The following KCND2 variants were observed in gnomAD, a reference collection of about 807,000 sequenced individuals.
The protein encoded by KCND2 is potassium voltage-gated channel subfamily D member 2.
In KCND2, 16 loss-of-function variants were observed where a neutral mutation model predicts 54.4. The ratio of observed to expected loss-of-function variants is 0.29; its 90% CI spans 0.20 to 0.45. The LOEUF (loss-of-function observed/expected upper bound fraction) is 0.45. KCND2 is among the 20% of genes least tolerant of loss of function. The pLI, the probability that KCND2 is intolerant of heterozygous loss-of-function variation, is 1.00. For synonymous variants in KCND2, 317 were observed against 310.7 expected (o/e 1.02, Z -0.21); for missense variants, 486 against 824.2 (o/e 0.59, Z 5.02).
At chr7:120,577,494 C>A (rs1792450494) in intron 1 of KCND2, among the ~76,000 whole-genome samples, 1 of 152,164 alleles carries the variant, frequency 6.6e-6, no homozygotes, top group Non-Finnish European at 1.5e-5. Context: ...CCTACCATAT[C>A]AGCCTGTGTA....
At chr7:120,381,884 G>A (rs1211961199) in intron 1 of KCND2, among the ~76,000 whole-genome samples, 1 of 151,976 alleles carries the variant, frequency 6.6e-6, no homozygotes, top group African/African-American at 2.4e-5. Flanking sequence ...GAGAAAACAA[G>A]TAATTTCTTA....
rs568474548 is a variant in KCND2 at position 120,514,343 on chromosome 7, C to T, written c.1116-218560C>T. Among the ~76,000 whole-genome samples, 76 of 152,072 alleles carry T rather than the reference C, an allele frequency of 5.0e-4. No individual in the cohort carries two copies. The South Asian group carries it at 6.2e-3, about 12-fold the overall frequency. On this transcript the variant is annotated intron_variant, in intron 1 of 5. Transcript: ENST00000331113. ...TTTTCTAAAAAAACTGTCAAAAATA[C>T]AGGAAATCAGTTGTGAGGCAGAAGT...
intron 1 of KCND2, among the ~76,000 whole-genome samples, chr7:120,537,678 C>T (rs753610152): frequency 6.6e-6 from 1 of 152,240 alleles, no homozygotes; most frequent in Non-Finnish European, 1.5e-5. Flanking sequence ...TATATTAGCA[C>T]TTACTGCTTC....
At chr7:120,603,279 C>T (rs544248743) in intron 1 of KCND2, among the ~76,000 whole-genome samples, 4 of 152,210 alleles carry the variant, frequency 2.6e-5, no homozygotes, top group Non-Finnish European at 4.4e-5. Context: ...AGCTCCTCAA[C>T]GCCATAGGTT....
intron 1 of KCND2, among the ~76,000 whole-genome samples, chr7:120,445,695 C>A (rs956247292): frequency 3.9e-5 from 6 of 151,998 alleles, no homozygotes; most frequent in African/African-American, 1.4e-4. Flanking sequence ...TAAAGATAAA[C>A]CAACAGTTAT....
chr7:120,665,409 G>A lies in KCND2; in HGVS notation c.1116-67494G>A, dbSNP rs1043814987. 1.6e-4 allele frequency among the ~76,000 whole-genome samples: 25 copies of A among 151,980 alleles called. 1 individual carries two copies. The highest frequency in any genetic ancestry group is 3.4e-4 in the Non-Finnish European group (23 of 67,932). On this transcript the variant is annotated intron_variant, in intron 1 of 5. Transcript: ENST00000331113. Reference sequence around the variant, plus strand: ...TTATTGCACAAGTACAAATTTACTTGATATATCAATGCACTTTTCAGTATC... The same window carrying A: ...TTATTGCACAAGTACAAATTTACTTAATATATCAATGCACTTTTCAGTATC...
At chr7:120,671,526 C>T (rs920767840) in intron 1 of KCND2, among the ~76,000 whole-genome samples, 3 of 151,976 alleles carry the variant, frequency 2.0e-5, no homozygotes, top group Non-Finnish European at 4.4e-5. Context: ...AAATATTTGT[C>T]GCATTAAATA....
At chr7:120,562,055 C>G (rs1792242556) in intron 1 of KCND2, among the ~76,000 whole-genome samples, 2 of 152,134 alleles carry the variant, frequency 1.3e-5, no homozygotes, top group South Asian at 4.1e-4. Flanking sequence ...TGGACAGATT[C>G]AACGTATCTG....
At chr7:120,296,388 G>A (rs1337792329) in intron 1 of KCND2, among the ~76,000 whole-genome samples, 1 of 152,012 alleles carries the variant, frequency 6.6e-6, no homozygotes, top group Non-Finnish European at 1.5e-5. Context: ...GGACCATGGA[G>A]AGAGGAAATA....
intron 1 of KCND2, among the ~76,000 whole-genome samples, chr7:120,503,303 TTAAGA>T (rs1313112373): frequency 6.6e-6 from 1 of 151,836 alleles, no homozygotes; most frequent in Non-Finnish European, 1.5e-5. Context: ...AATGCTATGG[TTAAGA>T]TAAGAGTGAA....
At chr7:120,315,848 T>C (rs1223891326) in intron 1 of KCND2, among the ~76,000 whole-genome samples, 1 of 149,530 alleles carries the variant, frequency 6.7e-6, no homozygotes, top group East Asian at 2.0e-4. Flanking sequence ...CATAGTGAGA[T>C]GGACTAAAAA....
chr7:120,472,769 C>T (rs534067550), intron 1 of KCND2, among the ~76,000 whole-genome samples: 23 of 152,038 alleles, frequency 1.5e-4, no homozygotes, highest in African/African-American at 5.1e-4. Context: ...AATGGCAGAT[C>T]GAGGATTGGC....
At chr7:120,362,011 T>C (rs1240228764) in intron 1 of KCND2, among the ~76,000 whole-genome samples, 3 of 152,046 alleles carry the variant, frequency 2.0e-5, no homozygotes, top group African/African-American at 7.2e-5. Flanking sequence ...TAAAAAATTA[T>C]AACCAAATCC....
At chr7:120,676,226 A>G (rs1287892884) in intron 1 of KCND2, among the ~76,000 whole-genome samples, 1 of 152,170 alleles carries the variant, frequency 6.6e-6, no homozygotes, top group Non-Finnish European at 1.5e-5. Flanking sequence ...CCAGCTTCTT[A>G]TCTCTTGTCA....
chr7:120,490,508 AT>A (rs1802764370), intron 1 of KCND2, among the ~76,000 whole-genome samples: 1 of 152,056 alleles, frequency 6.6e-6, no homozygotes, highest in Non-Finnish European at 1.5e-5. Context: ...AATCTTACAT[AT>A]TTTACTATAT....
chr7:120,737,952 A>G (rs1388119175), intron 2 of KCND2, among the ~76,000 whole-genome samples: 1 of 151,980 alleles, frequency 6.6e-6, no homozygotes. Flanking sequence ...TCATCTAGAA[A>G]TGACTGACCA....
At chr7:120,297,152 T>A (rs1799523842) in intron 1 of KCND2, among the ~76,000 whole-genome samples, 1 of 152,064 alleles carries the variant, frequency 6.6e-6, no homozygotes, top group Non-Finnish European at 1.5e-5. Context: ...TATTAAATGA[T>A]TTATTATTAT....
At position 120,749,285 on chromosome 7, in the gene KCND2, A is replaced by G. The variant is rs1198218523; in HGVS notation, c.*1427A>G. ...CTCAGAAAGGTTCCTGTGTATTGCA[A>G]GGTACAATTTTCTCCAATAAATCAG... On this transcript the variant is annotated 3_prime_UTR_variant, in exon 6 of 6. Transcript: ENST00000331113. 6.6e-6 allele frequency: 1 copy of G among 152,056 alleles called. No homozygotes were observed. The highest frequency in any genetic ancestry group is 1.5e-5 in the Non-Finnish European group (1 of 67,858). 9.4% of individuals were successfully genotyped at this position (152,056 alleles called of 1,614,324 possible). A position where few individuals can be genotyped will look rare whatever the true frequency, so the allele number is the denominator to read the frequency against.
At chr7:120,614,526 A>G (rs1377422611) in intron 1 of KCND2, among the ~76,000 whole-genome samples, 7 of 152,108 alleles carry the variant, frequency 4.6e-5, no homozygotes, top group African/African-American at 1.4e-4. Context: ...TTTGCCAACA[A>G]TCTCCTGAAT....
Sources: gnomAD v4.1 joint callset for allele counts (sites outside exome capture counted in the v4.1 genomes callset) on GRCh38, gnomAD v4.1.1 for gene constraint, MANE v1.5 for transcripts, NCBI Gene and HGNC (gene_info 2026-07-23, HGNC 2026-07-21) for gene names.